Variants in CCSER2 observed in about 807,000 individuals in gnomAD.
The protein encoded by CCSER2 is serine-rich coiled-coil domain-containing protein 2.
In CCSER2, 46 loss-of-function variants were observed where a neutral mutation model predicts 92.3. The ratio of observed to expected loss-of-function variants is 0.50; its 90% CI spans 0.39 to 0.64. CCSER2 has a LOEUF of 0.64. Among genes scored for constraint, CCSER2 ranks in the 30% least tolerant of loss-of-function variants. The pLI is 0.00. For missense variants in CCSER2, 1,244 were observed against 1,238.9 expected (o/e 1.00, Z -0.06); for synonymous variants, 433 against 431.4 (o/e 1.00, Z -0.04).
intron 9 of CCSER2, among the ~76,000 whole-genome samples, chr10:84,489,535 G>C (rs1271823237): frequency 1.3e-5 from 2 of 152,130 alleles, no homozygotes; most frequent in African/African-American, 4.8e-5. Context: ...TTTAAAGTCT[G>C]TTTTATCAGA....
At chr10:84,342,295 G>A (rs1306824511) in intron 1 of CCSER2, among the ~76,000 whole-genome samples, 1 of 152,194 alleles carries the variant, frequency 6.6e-6, no homozygotes, top group African/African-American at 2.4e-5. Context: ...TCATATCACA[G>A]TATCACAGGC....
intron 5 of CCSER2, among the ~76,000 whole-genome samples, chr10:84,429,603 C>T (rs1445716784): frequency 1.4e-5 from 2 of 144,478 alleles, no homozygotes; most frequent in Non-Finnish European, 3.0e-5. Context: ...TCCCCCCGCC[C>T]TGCCACCACC....
chr10:84,513,023 A>G (rs923480789), intron 9 of CCSER2, among the ~76,000 whole-genome samples: 4 of 151,076 alleles, frequency 2.6e-5, no homozygotes, highest in African/African-American at 4.8e-5. Context: ...ATGGTGTACA[A>G]CTTTTTTTTT....
At chr10:84,490,723 G>A (rs1027637238) in intron 9 of CCSER2, among the ~76,000 whole-genome samples, 2 of 152,204 alleles carry the variant, frequency 1.3e-5, no homozygotes, top group Admixed American at 6.5e-5. Flanking sequence ...ATCTTCTGAA[G>A]CCTTCTTCTC....
intron 1 of CCSER2, among the ~76,000 whole-genome samples, chr10:84,359,989 T>C (rs1440610386): frequency 6.6e-6 from 1 of 151,958 alleles, no homozygotes; most frequent in East Asian, 1.9e-4. Flanking sequence ...GATTTTTGTA[T>C]TTTTAGTAGA....
intron 7 of CCSER2, among the ~76,000 whole-genome samples, chr10:84,468,515 A>G (rs555588502): frequency 6.6e-6 from 1 of 152,186 alleles, no homozygotes; most frequent in Non-Finnish European, 1.5e-5. Context: ...GGGGAAAAAA[A>G]TCCTTAGAGC....
At chr10:84,390,294 A>T (rs1165020812) in intron 3 of CCSER2, among the ~76,000 whole-genome samples, 1 of 152,220 alleles carries the variant, frequency 6.6e-6, no homozygotes, top group Admixed American at 6.5e-5. Context: ...GTTATGCATT[A>T]TTTAACAATG....
chr10:84,391,158 A>G (rs532811399), intron 3 of CCSER2: 21 of 800,876 alleles, frequency 2.6e-5, no homozygotes, highest in African/African-American at 2.2e-4. Context: ...CTGAGTGCCT[A>G]TCTTCAGTTG....
At chr10:84,335,422 T>C (rs1843781784) in intron 1 of CCSER2, among the ~76,000 whole-genome samples, 1 of 151,774 alleles carries the variant, frequency 6.6e-6, no homozygotes, top group Non-Finnish European at 1.5e-5. Context: ...TTAAAAATTT[T>C]CCATAGAGAC....
chr10:84,361,412 T>C (rs1845492418), intron 1 of CCSER2, among the ~76,000 whole-genome samples: 1 of 152,194 alleles, frequency 6.6e-6, no homozygotes, highest in South Asian at 2.1e-4. Context: ...ATTTTGAAGA[T>C]TATCTGGCTC....
chr10:84,424,786 T>C (rs1451515341), intron 4 of CCSER2, among the ~76,000 whole-genome samples: 3 of 152,176 alleles, frequency 2.0e-5, no homozygotes, highest in Non-Finnish European at 2.9e-5. Flanking sequence ...CTTTCCTGTT[T>C]TGTGGCTTGG....
chr10:84,453,874 T>G (rs1285948599), intron 6 of CCSER2, among the ~76,000 whole-genome samples: 3 of 152,200 alleles, frequency 2.0e-5, no homozygotes, highest in Admixed American at 2.0e-4. Context: ...AATGGTACCC[T>G]GCTTCTCGTG....
rs371447543 is a variant in CCSER2, at chr10:84,513,562, G to A, written c.2439G>A (p.Met813Ile). 1.2e-6 allele frequency: 2 copies of A among 1,613,916 alleles called. No individual in the cohort carries two copies. Among genetic ancestry groups the A allele is most frequent in the Non-Finnish European group, 1.7e-6 (2 of 1,180,028 alleles). Residue 813 changes from methionine (M) to isoleucine (I), a missense_variant, in exon 10 of 10, where the codon ATG becomes ATA. Coordinates refer to ENST00000372088, the MANE Select transcript of CCSER2 (RefSeq NM_001284240.2). ...EARSECSIQD[M>I]HQGGAHPEES... Reference sequence around the variant, plus strand: ...GCAGTGAATGCTCAATCCAAGACATGCATCAGGGCGGTGCACATCCGGAAG... The same window carrying A: ...GCAGTGAATGCTCAATCCAAGACATACATCAGGGCGGTGCACATCCGGAAG...
chr10:84,358,238 G>C lies in CCSER2; in HGVS notation c.-39-12776G>C, dbSNP rs146286862. On this transcript the variant is annotated intron_variant, in intron 1 of 9. Coordinates refer to ENST00000372088, the MANE Select transcript of CCSER2 (RefSeq NM_001284240.2). ...CCTGGTTATCTTTTCTTGCAGCTTT[G>C]GTTGAGTACCAAAGAGTTGGTCAGT... Among the ~76,000 whole-genome samples the C allele has an allele frequency of 2.4e-3, 364 of 152,254 alleles. 1 individual carries two copies. The highest frequency in any genetic ancestry group is 8.4e-3 in the African/African-American group (348 of 41,538).
At chr10:84,342,345 T>A (rs542162283) in intron 1 of CCSER2, among the ~76,000 whole-genome samples, 1 of 152,330 alleles carries the variant, frequency 6.6e-6, no homozygotes, top group East Asian at 1.9e-4. Flanking sequence ...ATATTCCTTA[T>A]TTTTTACTTT....
At position 84,373,708 on chromosome 10, in the gene CCSER2, C is replaced by G. The variant is rs757020496; in HGVS notation, c.1507C>G (p.Pro503Ala). The G allele has an allele frequency of 1.2e-6, 2 of 1,613,744 alleles. No individual in the cohort carries two copies. Among genetic ancestry groups the G allele is most frequent in the South Asian group, 1.1e-5 (1 of 91,068 alleles). Residue 503 changes from proline to alanine, a missense_variant, in exon 3 of 10, where the codon CCA becomes GCA. Pro to Ala is a conservative substitution (Grantham distance 27). Transcript: ENST00000372088. ...AGCTGGTTCTTCGTTTGAACTCTCT[C>G]CATCTGATAGCTCTGATGGAACATA... ...YRAGSSFELSPSDSSDGTYMW... is the reference protein window; with the variant it reads ...YRAGSSFELSASDSSDGTYMW...
intron 1 of CCSER2, among the ~76,000 whole-genome samples, chr10:84,364,433 T>C (rs1589449176): frequency 6.6e-6 from 1 of 152,308 alleles, no homozygotes; most frequent in East Asian, 1.9e-4. Flanking sequence ...GCAGTTTTCA[T>C]TGGCCCTGGA....
At chr10:84,421,020 C>T (rs1232673066) in intron 4 of CCSER2, among the ~76,000 whole-genome samples, 1 of 151,496 alleles carries the variant, frequency 6.6e-6, no homozygotes, top group East Asian at 1.9e-4. Context: ...AGTTTTGGCC[C>T]ACAGAAGAGT....
chr10:84,457,251 T>A (rs1564684175), intron 6 of CCSER2, among the ~76,000 whole-genome samples: 7 of 68,644 alleles, frequency 1.0e-4, no homozygotes, highest in African/African-American at 4.3e-4. Context: ...ATATTATATA[T>A]TATATAAAAT....
Sources: gnomAD v4.1 joint callset for allele counts (sites outside exome capture counted in the v4.1 genomes callset) on GRCh38, gnomAD v4.1.1 for gene constraint, MANE v1.5 for transcripts, NCBI Gene and HGNC (gene_info 2026-07-23, HGNC 2026-07-21) for gene names.